CDH13: variants seen among roughly 807,000 people sequenced by gnomAD.
The protein encoded by CDH13 is cadherin 13, also known as cadherin-13.
In CDH13, 24 loss-of-function variants were observed where a neutral mutation model predicts 63.8. The ratio of observed to expected loss-of-function variants is 0.38; its 90% CI spans 0.27 to 0.53. The LOEUF is 0.53. Among genes scored for constraint, CDH13 ranks in the 20% least tolerant of loss-of-function variants. The probability of loss-of-function intolerance (pLI) is 0.85; values close to 1 mark genes in which losing one functional copy is unlikely to be tolerated. For missense variants in CDH13, 1,049 were observed against 903.1 expected (o/e 1.16, Z -2.07); for synonymous variants, 503 against 355.3 (o/e 1.42, Z -4.67).
intron 3 of CDH13, among the ~76,000 whole-genome samples, chr16:83,051,635 C>T (rs1269853515): frequency 6.6e-6 from 1 of 152,190 alleles, no homozygotes. Context: ...TTAAGACACT[C>T]CGGATTCTTC....
intron 8 of CDH13, among the ~76,000 whole-genome samples, chr16:83,631,429 C>T (rs1910771519): frequency 1.3e-5 from 2 of 152,166 alleles, no homozygotes; most frequent in Non-Finnish European, 2.9e-5. Flanking sequence ...TGCTTGAACT[C>T]TGTGACCATC....
intron 5 of CDH13, among the ~76,000 whole-genome samples, chr16:83,248,191 C>A (rs1370414697): frequency 6.6e-6 from 1 of 151,960 alleles, no homozygotes; most frequent in African/African-American, 2.4e-5. Flanking sequence ...TGGGACAAAG[C>A]ACAGGGAGAG....
At chr16:83,183,958 A>T (rs1284815877) in intron 4 of CDH13, among the ~76,000 whole-genome samples, 1 of 152,066 alleles carries the variant, frequency 6.6e-6, no homozygotes. Flanking sequence ...CCAGAGCAAG[A>T]AGTCTCTAAG....
chr16:83,200,085 C>T (rs142404462), intron 4 of CDH13, among the ~76,000 whole-genome samples: 44 of 152,142 alleles, frequency 2.9e-4, no homozygotes, highest in African/African-American at 7.7e-4. Context: ...CTGATTCACA[C>T]GGTGCTGATA....
At chr16:82,682,869 A>G (rs1914692171) in intron 1 of CDH13, among the ~76,000 whole-genome samples, 1 of 152,200 alleles carries the variant, frequency 6.6e-6, no homozygotes, top group Non-Finnish European at 1.5e-5. Flanking sequence ...GCCATGACCC[A>G]GCCACAGTTA....
intron 1 of CDH13, among the ~76,000 whole-genome samples, chr16:82,642,269 G>A (rs1486535988): frequency 6.6e-6 from 1 of 152,118 alleles, no homozygotes; most frequent in African/African-American, 2.4e-5. Flanking sequence ...TCAGAGGTTA[G>A]ACTATAAGGT....
At chr16:82,800,613 A>G (rs891130585) in intron 1 of CDH13, among the ~76,000 whole-genome samples, 8 of 152,236 alleles carry the variant, frequency 5.3e-5, no homozygotes, top group African/African-American at 1.9e-4. Flanking sequence ...TAATTCTTCT[A>G]AATAATGGGT....
chr16:83,009,665 T>A (rs1913918965), intron 2 of CDH13, among the ~76,000 whole-genome samples: 1 of 152,226 alleles, frequency 6.6e-6, no homozygotes, highest in Non-Finnish European at 1.5e-5. Context: ...AAAAATTGTA[T>A]CTATTAGTGC....
In CDH13 at chr16:83,217,411, C is replaced by G; in HGVS notation, c.550C>G (p.Pro184Ala). The G allele has an allele frequency of 6.2e-7, 1 of 1,613,816 alleles. No homozygotes were observed. Among genetic ancestry groups the G allele is most frequent in the South Asian group, 1.1e-5 (1 of 91,084 alleles). ...CACTGGAAAGGGAGTGGATCAAGAG[C>G]CTAAAGGAATTTTCAGAATCAATGA... is the stretch of plus-strand genomic sequence containing the variant. ...RLTGKGVDQE[P>A]KGIFRINENT... Residue 184 changes from proline to alanine, a missense_variant, in exon 5 of 14, where the codon CCT becomes GCT. Pro to Ala is a conservative substitution (Grantham distance 27). Coordinates refer to ENST00000567109, the MANE Select transcript of CDH13 (RefSeq NM_001257.5).
At chr16:82,991,829 G>A (rs1911693305) in intron 2 of CDH13, among the ~76,000 whole-genome samples, 1 of 147,700 alleles carries the variant, frequency 6.8e-6, no homozygotes, top group African/African-American at 2.6e-5. Flanking sequence ...AAGAGGGAAG[G>A]AGAAATTTAA....
chr16:83,274,323 C>T (rs2088916803), intron 5 of CDH13, among the ~76,000 whole-genome samples: 1 of 152,182 alleles, frequency 6.6e-6, no homozygotes, highest in African/African-American at 2.4e-5. Context: ...TCAGAGACCT[C>T]TCAGTTAGCT....
At chr16:83,481,810 G>A (rs1199407986) in intron 6 of CDH13, among the ~76,000 whole-genome samples, 1 of 152,168 alleles carries the variant, frequency 6.6e-6, no homozygotes, top group Admixed American at 6.5e-5. Context: ...CTGTGTGGAA[G>A]CCCCAATGCG....
intron 3 of CDH13, among the ~76,000 whole-genome samples, chr16:83,035,727 T>C (rs748980990): frequency 2.0e-5 from 3 of 152,186 alleles, no homozygotes; most frequent in Non-Finnish European, 4.4e-5. Flanking sequence ...ATGGTGTTTC[T>C]CTTCTAAGCT....
At chr16:83,164,307 A>T (rs1022044541) in intron 4 of CDH13, among the ~76,000 whole-genome samples, 1 of 151,972 alleles carries the variant, frequency 6.6e-6, no homozygotes, top group Non-Finnish European at 1.5e-5. Context: ...CACACACCAC[A>T]CACTACATAC....
chr16:83,187,703 G>T (rs2038569429), intron 4 of CDH13, among the ~76,000 whole-genome samples: 1 of 152,126 alleles, frequency 6.6e-6, no homozygotes, highest in African/African-American at 2.4e-5. Context: ...AAATTCCGTG[G>T]ACACAGCAGT....
intron 10 of CDH13, among the ~76,000 whole-genome samples, chr16:83,732,239 T>G (rs1174637652): frequency 1.3e-5 from 2 of 152,044 alleles, no homozygotes; most frequent in African/African-American, 4.8e-5. Context: ...CTTAATGGGA[T>G]GGAGAGTAAC....
intron 13 of CDH13, among the ~76,000 whole-genome samples, chr16:83,790,818 T>C (rs1010114372): frequency 2.0e-5 from 3 of 152,232 alleles, no homozygotes; most frequent in Non-Finnish European, 4.4e-5. Context: ...CTGTGGTTTT[T>C]CTAGCACGAC....
At chr16:82,768,802 G>A (rs773482145) in intron 1 of CDH13, among the ~76,000 whole-genome samples, 1 of 152,100 alleles carries the variant, frequency 6.6e-6, no homozygotes. Context: ...GACCATCCTC[G>A]GTTAATACTT....
intron 4 of CDH13, among the ~76,000 whole-genome samples, chr16:83,193,154 G>GA (rs75515253): frequency 8.6e-4 from 122 of 142,150 alleles, no homozygotes; most frequent in East Asian, 1.2e-3. Flanking sequence ...TGCTATACTT[G>GA]AAAAAAAAAA....
Sources: gnomAD v4.1 joint callset for allele counts (sites outside exome capture counted in the v4.1 genomes callset) on GRCh38, gnomAD v4.1.1 for gene constraint, MANE v1.5 for transcripts, NCBI Gene and HGNC (gene_info 2026-07-23, HGNC 2026-07-21) for gene names.